Variants in TNFRSF10B observed in about 807,000 individuals in gnomAD.
TNFRSF10B encodes the protein tumor necrosis factor receptor superfamily member 10B.
In TNFRSF10B, 35 loss-of-function variants were observed where a neutral mutation model predicts 41.4. The ratio of observed to expected loss-of-function variants is 0.85; its 90% confidence interval spans 0.65 to 1.12. The LOEUF is 1.12. TNFRSF10B is among the 50% of genes most tolerant of loss of function. The pLI is 0.00. For missense variants in TNFRSF10B, 584 were observed against 552.7 expected, an observed-to-expected ratio of 1.06 and a Z score of -0.57; for synonymous variants, 230 against 215.5, an observed-to-expected ratio of 1.07 and a Z score of -0.59.
intron 1 of TNFRSF10B, among the ~76,000 whole-genome samples, chr8:23,057,877 T>C (rs1812718174): frequency 6.6e-6 from 1 of 152,222 alleles, no homozygotes; most frequent in Admixed American, 6.5e-5. Flanking sequence ...CCACAGCAGT[T>C]TTCTTAGGCT....
chr8:23,041,353 G>A (rs912499694), intron 2 of TNFRSF10B, among the ~76,000 whole-genome samples: 7 of 151,904 alleles, frequency 4.6e-5, no homozygotes, highest in South Asian at 2.1e-4. Flanking sequence ...CACTGCGCCC[G>A]GCGTTATATG....
rs1472307867 is a variant in TNFRSF10B, at chr8:23,020,943, G to C, written c.*1728C>G. ...CAGATGGAAGTGGGAGAGGATGGAA[G>C]TGCAAAGACCAGAAAGGTCACCCCC... On this transcript the variant is annotated 3_prime_UTR_variant, in exon 9 of 9. Transcript: ENST00000276431. 4 of 453,984 alleles carry C rather than the reference G, an allele frequency of 8.8e-6. No homozygotes were observed. The highest frequency in any genetic ancestry group is 1.8e-5 in the Non-Finnish European group (4 of 226,804). 28.1% of individuals were successfully genotyped at this position (453,984 alleles called of 1,614,324 possible). A position where few individuals can be genotyped will look rare whatever the true frequency, so the allele number is the denominator to read the frequency against.
chr8:23,044,748 C>T (rs1812304968), intron 1 of TNFRSF10B, among the ~76,000 whole-genome samples: 1 of 151,584 alleles, frequency 6.6e-6, no homozygotes, highest in South Asian at 2.1e-4. Context: ...ACACTAAGCC[C>T]ACAGTTAGCA....
intron 1 of TNFRSF10B, among the ~76,000 whole-genome samples, chr8:23,050,242 T>C (rs1481890887): frequency 6.6e-6 from 1 of 152,218 alleles, no homozygotes; most frequent in African/African-American, 2.4e-5. Flanking sequence ...TTTGAGAGTC[T>C]GTTTTGCCGT....
intron 1 of TNFRSF10B, among the ~76,000 whole-genome samples, chr8:23,048,331 G>C (rs1230078154): frequency 1.3e-5 from 2 of 151,680 alleles, no homozygotes. Context: ...AGCTACTCAG[G>C]AGGCTAAGGC....
Position 23,020,571 on chromosome 8 carries a change from A to C in TNFRSF10B, c.*2100T>G, listed in dbSNP as rs982126902. 74 of 446,938 alleles carry C rather than the reference A, an allele frequency of 1.7e-4. No homozygotes were observed. Among genetic ancestry groups the C allele is most frequent in the African/African-American group, 1.2e-3 (61 of 49,740 alleles). 27.7% of individuals were successfully genotyped at this position (446,938 alleles called of 1,614,324 possible). On this transcript the variant is annotated 3_prime_UTR_variant, in exon 9 of 9. Coordinates refer to ENST00000276431, the MANE Select transcript of TNFRSF10B (RefSeq NM_003842.5). ...GCCAGGCGTGGTGGCGGGTGCCTGC[A>C]ATCCCAGCTACTCCGGAGGCTGAGG... is the stretch of plus-strand genomic sequence containing the variant.
rs1317869813 is a variant in TNFRSF10B at position 23,043,207 on chromosome 8, G to C, written c.181C>G (p.Leu61Val). The C allele has an allele frequency of 3.7e-6, 6 of 1,613,988 alleles. No homozygotes were observed. The highest frequency in any genetic ancestry group is 4.2e-6 in the Non-Finnish European group (5 of 1,180,028). ...GGGGCCGCTCTCTGCTGGGGAGCTA[G>C]GTCTTGTTGGGTGATCAGAGCAGAC... Reference protein sequence around the residue: ...AESALITQQDLAPQQRAAPQQ... With the variant: ...AESALITQQDVAPQQRAAPQQ... The change falls in exon 2 of 9, where the codon CTA becomes GTA. Residue 61 changes from leucine (L) to valine (V), a missense_variant. Leu to Val is a conservative substitution (Grantham distance 32). Transcript: ENST00000276431.
chr8:23,035,677 G>T (rs1812011426), intron 2 of TNFRSF10B, among the ~76,000 whole-genome samples: 1 of 152,104 alleles, frequency 6.6e-6, no homozygotes, highest in Non-Finnish European at 1.5e-5. Flanking sequence ...TGAATGATGT[G>T]GCACATAAGA....
chr8:23,036,182 G>A (rs539218535), intron 2 of TNFRSF10B, among the ~76,000 whole-genome samples: 27 of 152,294 alleles, frequency 1.8e-4, no homozygotes, highest in African/African-American at 6.5e-4. Flanking sequence ...ATTACTCTAC[G>A]ACCTGACTGC....
chr8:23,041,613 A>C (rs1391652430), intron 2 of TNFRSF10B, among the ~76,000 whole-genome samples: 1 of 152,038 alleles, frequency 6.6e-6, no homozygotes, highest in Admixed American at 6.6e-5. Context: ...TAAAAAAAAA[A>C]AAAAAAAAAA....
In TNFRSF10B at chr8:23,048,832, G is replaced by A. The variant is rs866658455; in HGVS notation, c.145-5589C>T. On this transcript the variant is annotated intron_variant, in intron 1 of 8. Transcript: ENST00000276431. ...AGGCTGGTCTTGAACGTTCGCCTGG[G>A]CTCAAGCAGTCCTCCTGCCTCAGCC... 9.9e-5 allele frequency among the ~76,000 whole-genome samples: 15 copies of A among 152,234 alleles called. No individual in the cohort carries two copies. The South Asian group carries it at 1.5e-3, about 15-fold the overall frequency.
At position 23,061,479 on chromosome 8, in the gene TNFRSF10B, T is replaced by A. The variant is rs185053524; in HGVS notation, c.144+7272A>T. Among the ~76,000 whole-genome samples, 78 of 152,328 alleles carry A rather than the reference T, an allele frequency of 5.1e-4. 1 individual carries two copies. Among genetic ancestry groups the A allele is most frequent in the Admixed American group, 2.5e-3 (38 of 15,302 alleles). ...ATTTTTTACCAGTAAGATCATATCA[T>A]CTGAAAACACAGATTATTTTACTTT... On this transcript the variant is annotated intron_variant, in intron 1 of 8. Coordinates refer to ENST00000276431, the MANE Select transcript of TNFRSF10B (RefSeq NM_003842.5).
chr8:23,022,613 G>C lies in TNFRSF10B; in HGVS notation c.*58C>G. 2 of 1,595,124 alleles carry C rather than the reference G, an allele frequency of 1.3e-6. No individual in the cohort carries two copies. The highest frequency in any genetic ancestry group is 1.7e-6 in the Non-Finnish European group (2 of 1,164,708). ...TTCCTACTGACTGGAGTCCAGTTGG[G>C]CTTTTTCCAGAAAAAAGGTAAACCA... On this transcript the variant is annotated 3_prime_UTR_variant, in exon 9 of 9. Coordinates refer to ENST00000276431, the MANE Select transcript of TNFRSF10B (RefSeq NM_003842.5).
rs576864679 is a variant in TNFRSF10B, at chr8:23,069,001, C to A, written c.-107G>T. On this transcript the variant is annotated 5_prime_UTR_variant, in exon 1 of 9. Transcript: ENST00000276431. ...GTGGGCGCAGAGATTGCGGGGTTCT[C>A]CGGCCGCGTGCTGATTTATGTGTCC... 21 of 1,567,526 alleles carry A rather than the reference C, an allele frequency of 1.3e-5. 1 individual carries two copies. In the African/African-American group the frequency reaches 1.3e-4, roughly 10 times the overall value.
intron 2 of TNFRSF10B, 41 bp from the exon 3 acceptor site, chr8:23,030,913 G>A (rs555347820): frequency 6.9e-7 from 1 of 1,458,802 alleles, no homozygotes; most frequent in Admixed American, 1.9e-5. Flanking sequence ...AATGCCACAG[G>A]ATTCCCAGAA....
intron 7 of TNFRSF10B, among the ~76,000 whole-genome samples, chr8:23,026,884 C>A (rs1341353628): frequency 5.9e-5 from 9 of 152,214 alleles, no homozygotes; most frequent in African/African-American, 2.2e-4. Context: ...CTGTGACCCC[C>A]ACTCTATGCC....
intron 1 of TNFRSF10B, among the ~76,000 whole-genome samples, chr8:23,052,836 G>T (rs908381597): frequency 1.3e-5 from 2 of 152,142 alleles, no homozygotes; most frequent in Non-Finnish European, 2.9e-5. Context: ...ATTTATTTTG[G>T]ACTGTTAAAT....
At chr8:23,036,230 T>C (rs148904527) in intron 2 of TNFRSF10B, among the ~76,000 whole-genome samples, 1 of 152,316 alleles carries the variant, frequency 6.6e-6, no homozygotes, top group East Asian at 1.9e-4. Flanking sequence ...TACCAAGCCA[T>C]AAGTTTGGGC....
At chr8:23,032,751 T>C (rs1811917828) in intron 2 of TNFRSF10B, among the ~76,000 whole-genome samples, 1 of 152,174 alleles carries the variant, frequency 6.6e-6, no homozygotes, top group South Asian at 2.1e-4. Flanking sequence ...AAAAGGAAAT[T>C]AAGAAAACAA....
Sources: gnomAD v4.1 joint callset for allele counts (sites outside exome capture counted in the v4.1 genomes callset) on GRCh38, gnomAD v4.1.1 for gene constraint, MANE v1.5 for transcripts, NCBI Gene and HGNC (gene_info 2026-07-23, HGNC 2026-07-21) for gene names.